The following EPS15L1 variants were observed in gnomAD, a reference collection of about 807,000 sequenced individuals.
EPS15L1 encodes the protein epidermal growth factor receptor substrate 15-like 1.
Under a neutral mutation model 117.1 loss-of-function variants are expected in EPS15L1, and 43 were observed. That is an observed-to-expected ratio of 0.37 (90% CI 0.29 to 0.47). The LOEUF (loss-of-function observed/expected upper bound fraction) is 0.47. Ranked by LOEUF, EPS15L1 falls within the 20% of genes least tolerant of loss-of-function variation. EPS15L1 has a pLI of 0.99. For synonymous variants in EPS15L1, 459 were observed against 470.5 expected, an observed-to-expected ratio of 0.98 and a Z score of 0.32; for missense variants, 981 against 1,164.0, an observed-to-expected ratio of 0.84 and a Z score of 2.29.
intron 1 of EPS15L1, among the ~76,000 whole-genome samples, chr19:16,456,801 G>T (rs1159940364): frequency 6.6e-6 from 1 of 152,146 alleles, no homozygotes; most frequent in Non-Finnish European, 1.5e-5. Flanking sequence ...GGAACTCAGG[G>T]CTTGGGGCCA....
At chr19:16,409,674 C>T (rs934946514) in intron 13 of EPS15L1, among the ~76,000 whole-genome samples, 1 of 152,042 alleles carries the variant, frequency 6.6e-6, no homozygotes, top group Non-Finnish European at 1.5e-5. Flanking sequence ...GCAGTGGCTC[C>T]CGCCTGTAAT....
chr19:16,422,501 T>C (rs1231805643), intron 9 of EPS15L1, among the ~76,000 whole-genome samples: 2 of 152,138 alleles, frequency 1.3e-5, no homozygotes, highest in African/African-American at 2.4e-5. Context: ...ATTATCTAGA[T>C]GATGAGGGAG....
At chr19:16,431,578 A>C (rs1337878502) in intron 7 of EPS15L1, among the ~76,000 whole-genome samples, 3 of 152,258 alleles carry the variant, frequency 2.0e-5, no homozygotes, top group East Asian at 1.9e-4. Flanking sequence ...CTGGGATTAC[A>C]TGCGTGAGCC....
At position 16,364,470 on chromosome 19, in the gene EPS15L1, C is replaced by T. The variant is rs1033453382; in HGVS notation, c.2381-2486G>A. On this transcript the variant is annotated intron_variant, in intron 22 of 23. Coordinates refer to ENST00000455140, the MANE Select transcript of EPS15L1 (RefSeq NM_001258374.3). ...CAGCTCTACTGCGGCCTCCTCCTAC[C>T]CCGACCTCCCCGGGGCTGCAGAGAG... 1.3e-5 allele frequency among the ~76,000 whole-genome samples: 2 copies of T among 152,194 alleles called. 1 individual carries two copies. Among genetic ancestry groups the T allele is most frequent in the African/African-American group, 4.8e-5 (2 of 41,450 alleles).
At chr19:16,403,403 CTT>C (rs1402602136) in intron 15 of EPS15L1, among the ~76,000 whole-genome samples, 1 of 152,210 alleles carries the variant, frequency 6.6e-6, no homozygotes, top group Non-Finnish European at 1.5e-5. Context: ...CTTTGTCCCT[CTT>C]GTTTGTGTGA....
chr19:16,419,538 A>G (rs756360891), intron 10 of EPS15L1, among the ~76,000 whole-genome samples: 3 of 152,082 alleles, frequency 2.0e-5, no homozygotes, highest in Non-Finnish European at 4.4e-5. Context: ...TTTGGCATCT[A>G]TGAAAAATGT....
In EPS15L1 at chr19:16,404,461, T is replaced by A; in HGVS notation, c.1428+127A>T. The A allele has an allele frequency of 9.3e-7, 1 of 1,076,362 alleles. No homozygotes were observed. The highest frequency in any genetic ancestry group is 1.3e-6 in the Non-Finnish European group (1 of 751,304). 66.7% of individuals were successfully genotyped at this position (1,076,362 alleles called of 1,614,324 possible). ...CTTGGACACTTTTCCACGTGGTGTT[T>A]GGAGGAACTCTATTGACCCAGTAGG... On this transcript the variant is annotated intron_variant, in intron 14 of 23. Coordinates refer to ENST00000455140, the MANE Select transcript of EPS15L1 (RefSeq NM_001258374.3). This position sits in a 1 kb window ranked among gnomAD's most constrained non-coding sequence, Gnocchi z 4.2.
At chr19:16,394,354 T>TAAGAGGACACAGGACCCCGGGC (rs1555745851) in intron 17 of EPS15L1, among the ~76,000 whole-genome samples, 1 of 151,866 alleles carries the variant, frequency 6.6e-6, no homozygotes, top group Non-Finnish European at 1.5e-5. Context: ...GCTCCCTGGG[T>TAAGAGGACACAGGACCCCGGGC]AAGAGGACAC....
chr19:16,382,258 T>C (rs767854691), intron 21 of EPS15L1, among the ~76,000 whole-genome samples: 16 of 152,222 alleles, frequency 1.1e-4, no homozygotes, highest in Non-Finnish European at 1.9e-4. Flanking sequence ...AATGCCCGCG[T>C]CATTTCCGAA....
rs1260840114 is a variant in EPS15L1, at chr19:16,412,897, C to T, written c.1266+876G>A. On this transcript the variant is annotated intron_variant, in intron 13 of 23. Transcript: ENST00000455140. ...GTGGATGCCCATCACCAAGCTGGGC[C>T]GCCTGGTCAAGGACATGAAGATCAA... The T allele has an allele frequency of 3.2e-5, 20 of 625,524 alleles. 1 individual carries two copies. Among genetic ancestry groups the T allele is most frequent in the South Asian group, 8.7e-5 (6 of 68,874 alleles). The allele number at this position is 625,524 out of a possible 1,614,324, so 38.7% of individuals were successfully genotyped here.
At position 16,471,948 on chromosome 19, in the gene EPS15L1, TC is replaced by T; in HGVS notation, c.-4del. 1 of 1,286,806 alleles carries T rather than the reference TC, an allele frequency of 7.8e-7. No homozygotes were observed. 79.7% of individuals were successfully genotyped at this position (1,286,806 alleles called of 1,614,324 possible). A position where few individuals can be genotyped will look rare whatever the true frequency, so the allele number is the denominator to read the frequency against. On this transcript the variant is annotated 5_prime_UTR_variant, in exon 1 of 24. Transcript: ENST00000455140. The surrounding 1 kb of genome is among the most constrained non-coding windows in gnomAD (Gnocchi z 4.8). ...AGGGGGATGAGCGGCGCCGCCATCT[TC>T]CCGCGGACTCGGGCTCCGAGCGCCG...
In EPS15L1 at chr19:16,440,854, G is replaced by A; in HGVS notation, c.213+8C>T. On this transcript the variant is annotated splice_region_variant and intron_variant, in intron 4 of 23. Transcript: ENST00000455140. The stretch of plus-strand genomic sequence containing the variant: ...CCCTCCATTTGCTCTGTGTACATGT[G>A]TATATACCTGTTTGTCCAAGAACCC... The A allele has an allele frequency of 3.7e-6, 6 of 1,613,976 alleles. No individual in the cohort carries two copies. Among genetic ancestry groups the A allele is most frequent in the Non-Finnish European group, 4.2e-6 (5 of 1,179,852 alleles).
Position 16,377,105 on chromosome 19 carries a change from GAAGA to G in EPS15L1, c.2380+13_2380+16del. On this transcript the variant is annotated intron_variant, in intron 22 of 23. Transcript: ENST00000455140. ...GCACCGGTAGGCGGTGGCTGCGAGA[GAAGA>G]AAGCTTACTGACCGCTGGGCGGTTT... 2 of 1,584,458 alleles carry G rather than the reference GAAGA, an allele frequency of 1.3e-6. No homozygotes were observed. The highest frequency in any genetic ancestry group is 1.7e-6 in the Non-Finnish European group (2 of 1,167,856).
rs1171980491 is a variant in EPS15L1, at chr19:16,381,669, C to T, written c.2247+3460G>A. Among the ~76,000 whole-genome samples, 1 of 152,174 alleles carries T rather than the reference C, an allele frequency of 6.6e-6. No individual in the cohort carries two copies. The highest frequency in any genetic ancestry group is 1.5e-5 in the Non-Finnish European group (1 of 68,044). On this transcript the variant is annotated intron_variant, in intron 21 of 23. Coordinates refer to ENST00000455140, the MANE Select transcript of EPS15L1 (RefSeq NM_001258374.3). This position sits in a 1 kb window ranked among gnomAD's most constrained non-coding sequence, Gnocchi z 4.2. Reference sequence around the variant, plus strand: ...GCCCCCATCTGCTGCCCCAGTTGTCCCCAGGCCTGTCCGAGACATGAGGGG... The same window carrying T: ...GCCCCCATCTGCTGCCCCAGTTGTCTCCAGGCCTGTCCGAGACATGAGGGG...
chr19:16,405,039 G>A lies in EPS15L1; in HGVS notation c.1267-290C>T, dbSNP rs1023614944. ...CTGTGAGAAAAAGGCCCCAGCTCCC[G>A]GATGACATGCAGCTGTGGCTGCGGA... On this transcript the variant is annotated intron_variant, in intron 13 of 23. Coordinates refer to ENST00000455140, the MANE Select transcript of EPS15L1 (RefSeq NM_001258374.3). The surrounding 1 kb of genome is among the most constrained non-coding windows in gnomAD (Gnocchi z 4.0). Among the ~76,000 whole-genome samples, 5 of 152,208 alleles carry A rather than the reference G, an allele frequency of 3.3e-5. No individual in the cohort carries two copies. The highest frequency in any genetic ancestry group is 1.9e-4 in the East Asian group (1 of 5,200).
chr19:16,436,850 G>T lies in EPS15L1; in HGVS notation c.372+87C>A, dbSNP rs916489145. 10 of 1,129,220 alleles carry T rather than the reference G, an allele frequency of 8.9e-6. No homozygotes were observed. In the Admixed American group the frequency reaches 2.1e-4, roughly 23 times the overall value. The allele number at this position is 1,129,220 out of a possible 1,614,324, so 70.0% of individuals were successfully genotyped here. ...AAATGTTCTGAACAACATCAAACTAGAACAATTCCAGAACAATTCTAGAAC... is the reference window on the plus strand; with the variant it reads ...AAATGTTCTGAACAACATCAAACTATAACAATTCCAGAACAATTCTAGAAC... On this transcript the variant is annotated intron_variant, in intron 6 of 23. Transcript: ENST00000455140.
chr19:16,409,870 G>A (rs1023235423), intron 13 of EPS15L1, among the ~76,000 whole-genome samples: 13 of 150,832 alleles, frequency 8.6e-5, no homozygotes, highest in African/African-American at 2.7e-4. Flanking sequence ...CCTGGGAGGC[G>A]GAGGTTGCAG....
intron 13 of EPS15L1, among the ~76,000 whole-genome samples, chr19:16,409,333 C>T (rs1043319521): frequency 6.6e-6 from 1 of 152,080 alleles, no homozygotes; most frequent in African/African-American, 2.4e-5. Context: ...ATGCTATATA[C>T]AAAAATTAAC....
chr19:16,454,853 G>A (rs1307602736), intron 1 of EPS15L1, among the ~76,000 whole-genome samples: 5 of 151,468 alleles, frequency 3.3e-5, no homozygotes, highest in African/African-American at 1.2e-4. Context: ...CTCTGGGCCA[G>A]GCATGGTGGC....
Sources: allele counts gnomAD v4.1 joint callset (sites outside exome capture counted in the v4.1 genomes callset), GRCh38; gene constraint gnomAD v4.1.1; non-coding constraint Gnocchi (gnomAD v3.1); transcripts MANE v1.5; gene names NCBI Gene and HGNC (gene_info 2026-07-23, HGNC 2026-07-21).